The following CFAP299 variants were observed in gnomAD, a reference collection of about 807,000 sequenced individuals.
CFAP299 encodes the protein cilia and flagella associated protein 299.
Under a neutral mutation model 27.0 loss-of-function variants are expected in CFAP299, and 21 were observed. The ratio of observed to expected loss-of-function variants is 0.78; its 90% confidence interval spans 0.55 to 1.12. The LOEUF (loss-of-function observed/expected upper bound fraction) is 1.12, where lower values mean the gene tolerates loss of function less well. Ranked by LOEUF, CFAP299 falls within the 50% of genes most tolerant of loss-of-function variation. The probability of loss-of-function intolerance (pLI) is 0.00; values close to 1 mark genes in which losing one functional copy is unlikely to be tolerated. For synonymous variants in CFAP299, 104 were observed against 98.1 expected (o/e 1.06, Z -0.36); for missense variants, 310 against 276.6 (o/e 1.12, Z -0.86).
At position 80,651,238 on chromosome 4, in the gene CFAP299, TCTTC is replaced by T. The variant is rs536144120; in HGVS notation, c.333+68075_333+68078del. The stretch of plus-strand genomic sequence containing the variant: ...TACTTCAGTGACCCAAATCTAAGAA[TCTTC>T]CTTCCTTCCTTCCTTCCTTTCTTTC... On this transcript the variant is annotated intron_variant, in intron 3 of 5. Transcript: ENST00000358105. Among the ~76,000 whole-genome samples the T allele has an allele frequency of 9.3e-3, 1,407 of 151,326 alleles. 8 individuals carry two copies. The highest frequency in any genetic ancestry group is 0.017 in the Middle Eastern group (5 of 292).
chr4:80,789,693 G>C (rs1727440838), intron 3 of CFAP299, among the ~76,000 whole-genome samples: 1 of 151,972 alleles, frequency 6.6e-6, no homozygotes, highest in Non-Finnish European at 1.5e-5. Flanking sequence ...CAGAAGTACA[G>C]AATAACAGAT....
chr4:80,811,438 T>C (rs1166602229), intron 3 of CFAP299, among the ~76,000 whole-genome samples: 2 of 152,140 alleles, frequency 1.3e-5, no homozygotes, highest in African/African-American at 4.8e-5. Flanking sequence ...GAATTTGCCA[T>C]CTAGTTAATA....
At chr4:80,841,420 C>T (rs1363798619) in intron 3 of CFAP299, among the ~76,000 whole-genome samples, 1 of 152,112 alleles carries the variant, frequency 6.6e-6, no homozygotes, top group Non-Finnish European at 1.5e-5. Flanking sequence ...TCTTCACTGT[C>T]ATGTTCCAAC....
intron 3 of CFAP299, among the ~76,000 whole-genome samples, chr4:80,754,695 G>A (rs533476797): frequency 3.6e-4 from 55 of 152,110 alleles, no homozygotes; most frequent in African/African-American, 1.3e-3. Context: ...TGTGTCTGTG[G>A]TTTCCAAGTG....
At chr4:80,836,926 T>C (rs1227930890) in intron 3 of CFAP299, among the ~76,000 whole-genome samples, 1 of 152,146 alleles carries the variant, frequency 6.6e-6, no homozygotes, top group Non-Finnish European at 1.5e-5. Flanking sequence ...GCATTACTCC[T>C]CCAAGCATTT....
chr4:80,764,174 A>G (rs1206907121), intron 3 of CFAP299, among the ~76,000 whole-genome samples: 1 of 152,190 alleles, frequency 6.6e-6, no homozygotes, highest in Non-Finnish European at 1.5e-5. Flanking sequence ...CAACCTACAG[A>G]ATGGTAGAAA....
At chr4:80,550,940 C>T (rs1734483833) in intron 2 of CFAP299, among the ~76,000 whole-genome samples, 1 of 152,006 alleles carries the variant, frequency 6.6e-6, no homozygotes, top group Admixed American at 6.6e-5. Flanking sequence ...GTTTTACAAA[C>T]TTAGCAGAAA....
chr4:80,417,498 G>A (rs1171113669), intron 2 of CFAP299, among the ~76,000 whole-genome samples: 1 of 152,068 alleles, frequency 6.6e-6, no homozygotes, highest in Admixed American at 6.5e-5. Context: ...GGTTAAATAG[G>A]AGTCCTGAGC....
At chr4:80,709,895 A>G (rs1167892012) in intron 3 of CFAP299, among the ~76,000 whole-genome samples, 1 of 152,182 alleles carries the variant, frequency 6.6e-6, no homozygotes, top group Non-Finnish European at 1.5e-5. Flanking sequence ...ATACTTTTTA[A>G]AAAGTAATAT....
intron 2 of CFAP299, among the ~76,000 whole-genome samples, chr4:80,372,582 G>A (rs1016811726): frequency 6.6e-6 from 1 of 152,198 alleles, no homozygotes; most frequent in African/African-American, 2.4e-5. Context: ...CATTGAGTAA[G>A]GCTGTAGTAT....
chr4:80,702,354 A>G (rs1270723168), intron 3 of CFAP299, among the ~76,000 whole-genome samples: 1 of 151,880 alleles, frequency 6.6e-6, no homozygotes, highest in Non-Finnish European at 1.5e-5. Context: ...AAAGAAACCT[A>G]TGGCACAGAA....
At chr4:80,761,754 A>G (rs1056298381) in intron 3 of CFAP299, among the ~76,000 whole-genome samples, 1 of 152,134 alleles carries the variant, frequency 6.6e-6, no homozygotes, top group African/African-American at 2.4e-5. Flanking sequence ...GCAGGCTTTG[A>G]ATAATGTAAT....
At chr4:80,882,852 C>T (rs1199176781) in intron 4 of CFAP299, among the ~76,000 whole-genome samples, 1 of 151,988 alleles carries the variant, frequency 6.6e-6, no homozygotes, top group East Asian at 1.9e-4. Context: ...GAGAGAAAAA[C>T]TCTAAAACAA....
intron 5 of CFAP299, among the ~76,000 whole-genome samples, chr4:80,952,182 A>G (rs944637890): frequency 1.3e-5 from 2 of 152,196 alleles, no homozygotes; most frequent in African/African-American, 4.8e-5. Context: ...TTGTATTACC[A>G]GGGCTAGCTC....
At chr4:80,896,224 A>G (rs559947173) in intron 4 of CFAP299, among the ~76,000 whole-genome samples, 24 of 152,274 alleles carry the variant, frequency 1.6e-4, no homozygotes, top group African/African-American at 5.5e-4. Flanking sequence ...CACCTAATAT[A>G]TGAAATAATA....
intron 5 of CFAP299, among the ~76,000 whole-genome samples, chr4:80,959,289 C>T (rs1738222127): frequency 6.6e-6 from 1 of 151,838 alleles, no homozygotes; most frequent in African/African-American, 2.4e-5. Flanking sequence ...ATACAAGAAA[C>T]CAAGTAAAGA....
intron 3 of CFAP299, among the ~76,000 whole-genome samples, chr4:80,754,940 G>C (rs1383027724): frequency 2.6e-5 from 4 of 152,040 alleles, no homozygotes; most frequent in Non-Finnish European, 5.9e-5. Context: ...TGTTGTAAGG[G>C]AGGAAACAAT....
At chr4:80,488,139 A>T (rs1240159816) in intron 2 of CFAP299, among the ~76,000 whole-genome samples, 1 of 152,196 alleles carries the variant, frequency 6.6e-6, no homozygotes, top group Non-Finnish European at 1.5e-5. Context: ...TTAATCTGTG[A>T]TGAGATCTCT....
intron 3 of CFAP299, among the ~76,000 whole-genome samples, chr4:80,645,335 G>A (rs1274562697): frequency 6.7e-6 from 1 of 149,568 alleles, no homozygotes; most frequent in Non-Finnish European, 1.5e-5. Flanking sequence ...ACAGCACCAA[G>A]CTCTACCTAC....
Sources: gnomAD v4.1 joint callset for allele counts (sites outside exome capture counted in the v4.1 genomes callset) on GRCh38, gnomAD v4.1.1 for gene constraint, MANE v1.5 for transcripts, NCBI Gene and HGNC (gene_info 2026-07-23, HGNC 2026-07-21) for gene names.